CCNB2: variants seen among roughly 807,000 people sequenced by gnomAD.
The protein encoded by CCNB2 is cyclin B2.
CCNB2 carries 39 observed loss-of-function variants against 51.1 expected under a neutral mutation model. The ratio of observed to expected loss-of-function variants is 0.76; its 90% CI spans 0.59 to 1.00. The LOEUF is 1.00. Among genes scored for constraint, CCNB2 ranks in the 50% least tolerant of loss-of-function variants. CCNB2 has a pLI of 0.00. For synonymous variants in CCNB2, 174 were observed against 165.5 expected (o/e 1.05, Z -0.40); for missense variants, 472 against 470.3 (o/e 1.00, Z -0.03).
intron 3 of CCNB2, 90 bp from the exon 4 acceptor site, chr15:59,114,354 G>A (rs1015765201): frequency 1.1e-6 from 1 of 885,874 alleles, no homozygotes; most frequent in African/African-American, 1.7e-5. Context: ...TATTTCAGAT[G>A]TGCGTATGAT....
intron 7 of CCNB2, among the ~76,000 whole-genome samples, chr15:59,120,062 T>C (rs1420041338): frequency 2.0e-5 from 3 of 152,044 alleles, no homozygotes; most frequent in African/African-American, 7.2e-5. Flanking sequence ...ACGTAGGAAA[T>C]AGCAAAACAA....
intron 7 of CCNB2, among the ~76,000 whole-genome samples, chr15:59,122,481 T>C (rs1415377835): frequency 6.6e-6 from 1 of 151,460 alleles, no homozygotes; most frequent in Non-Finnish European, 1.5e-5. Context: ...CACCTCGGCC[T>C]CCCAAAGTGT....
chr15:59,117,447 A>C, intron 7 of CCNB2, 79 bp downstream of exon 7: 1 of 1,403,036 alleles, frequency 7.1e-7, no homozygotes. Flanking sequence ...GCATTTTTAC[A>C]ACACTATCCT....
chr15:59,124,897 A>G lies in CCNB2; in HGVS notation c.*20A>G. 1 of 1,433,238 alleles carries G rather than the reference A, an allele frequency of 7.0e-7. No homozygotes were observed. The highest frequency in any genetic ancestry group is 9.5e-7 in the Non-Finnish European group (1 of 1,052,462). The allele number at this position is 1,433,238 out of a possible 1,614,324, so 88.8% of individuals were successfully genotyped here. On this transcript the variant is annotated 3_prime_UTR_variant, in exon 9 of 9. Transcript: ENST00000288207. ...TCCTAGGCTGCCGTGGCCCCTGGGG[A>G]TGTGTGCTTCATTGTGCCCTTTTTC... is the stretch of plus-strand genomic sequence containing the variant.
At chr15:59,123,276 CCTTTGG>C (rs2079311117) in intron 7 of CCNB2, among the ~76,000 whole-genome samples, 1 of 152,162 alleles carries the variant, frequency 6.6e-6, no homozygotes, top group Non-Finnish European at 1.5e-5. Context: ...TCGTATGGGA[CCTTTGG>C]CACTTGATTT....
At chr15:59,111,106 A>G (rs2079255684) in intron 3 of CCNB2, among the ~76,000 whole-genome samples, 1 of 152,240 alleles carries the variant, frequency 6.6e-6, no homozygotes, top group South Asian at 2.1e-4. Context: ...TCTTACAATA[A>G]TTAAATTATG....
chr15:59,106,631 A>G (rs1285021241), intron 1 of CCNB2, among the ~76,000 whole-genome samples: 1 of 152,244 alleles, frequency 6.6e-6, no homozygotes, highest in African/African-American at 2.4e-5. Context: ...AGGTCAACTG[A>G]CAATTTTTAT....
At position 59,124,858 on chromosome 15, in the gene CCNB2, C is replaced by T. The variant is rs1406587710; in HGVS notation, c.1178C>T (p.Pro393Leu). The T allele has an allele frequency of 1.3e-6, 2 of 1,597,012 alleles. No homozygotes were observed. The highest frequency in any genetic ancestry group is 3.5e-5 in the Admixed American group (2 of 57,820). ...NSKAVKDLAS[P>L]LIGRS ...AAAGCCGTCAAAGACCTTGCCTCCC[C>T]ACTGATAGGAAGGTCCTAGGCTGCC... Residue 393 changes from proline to leucine, a missense_variant, in exon 9 of 9, where the codon CCA becomes CTA. Physicochemically the swap from Pro to Leu is moderately conservative, Grantham distance 98. Transcript: ENST00000288207.
intron 3 of CCNB2, among the ~76,000 whole-genome samples, chr15:59,111,642 C>T (rs1243230539): frequency 6.6e-6 from 1 of 151,786 alleles, no homozygotes; most frequent in African/African-American, 2.4e-5. Flanking sequence ...AGCTTTTCAG[C>T]TCATCTTCTC....
At position 59,123,528 on chromosome 15, in the gene CCNB2, G is replaced by C. The variant is rs771434890; in HGVS notation, c.987G>C (p.Gln329His). 7.5e-6 allele frequency: 12 copies of C among 1,607,166 alleles called. No homozygotes were observed. The highest frequency in any genetic ancestry group is 1.3e-5 in the African/African-American group (1 of 74,898). ...TTCTTGTGTTTCAGAACTTAAAGCA[G>C]CAGTATTACACAGGATACACAGAGA... Reference protein sequence around the residue: ...VLGQGKWNLKQQYYTGYTENE... With the variant: ...VLGQGKWNLKHQYYTGYTENE... The change falls in exon 8 of 9, where the codon CAG becomes CAC. Residue 329 changes from glutamine (Q) to histidine (H), a missense_variant. Gln to His is a conservative substitution (Grantham distance 24, BLOSUM62 0). Coordinates refer to ENST00000288207, the MANE Select transcript of CCNB2 (RefSeq NM_004701.4).
At chr15:59,123,131 G>T (rs1486330072) in intron 7 of CCNB2, among the ~76,000 whole-genome samples, 1 of 152,226 alleles carries the variant, frequency 6.6e-6, no homozygotes, top group Non-Finnish European at 1.5e-5. Flanking sequence ...GGACAGCTGG[G>T]CAGGGCTTTG....
At chr15:59,116,650 C>A in intron 5 of CCNB2, 40 bp from the exon 6 acceptor site, 2 of 1,412,274 alleles carry the variant, frequency 1.4e-6, no homozygotes, top group Non-Finnish European at 2.0e-6. Context: ...CTTCACTCTT[C>A]TTGTTAGGTG....
rs111765902 is a variant in CCNB2, at chr15:59,116,252, T to G, written c.598-438T>G. ...TCTCACTTTTTTCTTTGGCCTCATT[T>G]CTATTCAGACCATGTTTAGTGTGTC... On this transcript the variant is annotated intron_variant, in intron 5 of 8. Coordinates refer to ENST00000288207, the MANE Select transcript of CCNB2 (RefSeq NM_004701.4). Among the ~76,000 whole-genome samples, 874 of 152,304 alleles carry G rather than the reference T, an allele frequency of 5.7e-3. 7 individuals carry two copies. The highest frequency in any genetic ancestry group is 7.9e-3 in the Non-Finnish European group (534 of 68,020).
At chr15:59,107,839 A>G (rs2079242334) in intron 3 of CCNB2, among the ~76,000 whole-genome samples, 169 bp downstream of exon 3, 1 of 152,150 alleles carries the variant, frequency 6.6e-6, no homozygotes, top group Admixed American at 6.5e-5. Context: ...ACTTAATAAC[A>G]TTATGACCTT....
chr15:59,116,631 C>T, intron 5 of CCNB2, 59 bp from the exon 6 acceptor site: 1 of 1,246,404 alleles, frequency 8.0e-7, no homozygotes, highest in East Asian at 2.3e-5. Context: ...CCCCTTCTCC[C>T]ACCTAAAGCT....
chr15:59,114,757 G>C lies in CCNB2; in HGVS notation c.478G>C (p.Asp160His). ...AAACCCACATTTCTTAGATGGAAGA[G>C]ATATAAATGGACGCATGCGTGCCAT... is the stretch of plus-strand genomic sequence containing the variant. ...SINPHFLDGR[D>H]INGRMRAILV... Residue 160 changes from aspartate to histidine, a missense_variant, in exon 5 of 9, where the codon GAT becomes CAT. By Grantham distance (81) the Asp-to-His change is moderately conservative. Coordinates refer to ENST00000288207, the MANE Select transcript of CCNB2 (RefSeq NM_004701.4). The C allele has an allele frequency of 1.2e-6, 2 of 1,614,050 alleles. No homozygotes were observed. The highest frequency in any genetic ancestry group is 1.7e-6 in the Non-Finnish European group (2 of 1,179,936).
intron 6 of CCNB2, 86 bp downstream of exon 6, chr15:59,117,012 A>G: frequency 8.5e-7 from 1 of 1,171,170 alleles, no homozygotes; most frequent in South Asian, 1.4e-5. Flanking sequence ...AAGCTTATTT[A>G]TAGGACGCTT....
At position 59,114,820 on chromosome 15, in the gene CCNB2, A is replaced by G; in HGVS notation, c.541A>G (p.Arg181Gly). 6.2e-7 allele frequency: 1 copy of G among 1,614,226 alleles called. No individual in the cohort carries two copies. Among genetic ancestry groups the G allele is most frequent in the Middle Eastern group, 1.6e-4 (1 of 6,062 alleles). Residue 181 changes from arginine to glycine, a missense_variant, in exon 5 of 9, where the codon AGG becomes GGG. By Grantham distance (125) the Arg-to-Gly change is moderately radical. Transcript: ENST00000288207. ...GCTGGTACAAGTCCACTCCAAGTTT[A>G]GGCTTCTGCAGGAGACTCTGTACAT... ...DWLVQVHSKF[R>G]LLQETLYMCV...
In CCNB2 at chr15:59,106,423, C is replaced by G. The variant is rs1313993158; in HGVS notation, c.25-899C>G. On this transcript the variant is annotated intron_variant, in intron 1 of 8. Coordinates refer to ENST00000288207, the MANE Select transcript of CCNB2 (RefSeq NM_004701.4). Reference sequence around the variant, plus strand: ...GAGTTTCCCTGGCCCCTCTCTCTGCCTGGTAGATCCACTCAAACCCCTTGT... The same window carrying G: ...GAGTTTCCCTGGCCCCTCTCTCTGCGTGGTAGATCCACTCAAACCCCTTGT... Among the ~76,000 whole-genome samples, 9 of 152,166 alleles carry G rather than the reference C, an allele frequency of 5.9e-5. 1 individual carries two copies. Among genetic ancestry groups the G allele is most frequent in the Admixed American group, 2.0e-4 (3 of 15,270 alleles).
Sources: allele counts gnomAD v4.1 joint callset (sites outside exome capture counted in the v4.1 genomes callset), GRCh38; gene constraint gnomAD v4.1.1; transcripts MANE v1.5; gene names NCBI Gene and HGNC (gene_info 2026-07-23, HGNC 2026-07-21).